Variants in STPG2 observed in about 807,000 individuals in gnomAD.
STPG2 encodes sperm tail PG-rich repeat containing 2.
Under a neutral mutation model 54.2 loss-of-function variants are expected in STPG2, and 56 were observed. The observed-to-expected ratio is 1.03, with a 90% CI of 0.83 to 1.29. The LOEUF (loss-of-function observed/expected upper bound fraction) is 1.29, where lower values mean the gene tolerates loss of function less well. Among genes scored for constraint, STPG2 ranks in the 50% most tolerant of loss-of-function variants. STPG2 has a pLI of 0.00. For missense variants in STPG2, 596 were observed against 544.9 expected (o/e 1.09, Z -0.93); for synonymous variants, 200 against 181.8 (o/e 1.10, Z -0.81).
chr4:97,775,893 C>G (rs1159335297), intron 9 of STPG2, among the ~76,000 whole-genome samples: 3 of 152,104 alleles, frequency 2.0e-5, no homozygotes, highest in African/African-American at 7.2e-5. Context: ...TCCTGGGTAC[C>G]TGGGATTACA....
chr4:97,869,357 G>A (rs781582510), intron 8 of STPG2, among the ~76,000 whole-genome samples: 3 of 151,514 alleles, frequency 2.0e-5, no homozygotes, highest in Non-Finnish European at 4.4e-5. Context: ...CTAGGTCAGA[G>A]CCTAGGTAAG....
At chr4:97,469,041 T>C (rs966270720) in intron 4 of STPG2, among the ~76,000 whole-genome samples, 2 of 152,058 alleles carry the variant, frequency 1.3e-5, no homozygotes, top group Admixed American at 6.6e-5. Flanking sequence ...TCTATACAAT[T>C]GAATTAGCTG....
At chr4:98,015,231 T>C (rs1345437827) in intron 5 of STPG2, among the ~76,000 whole-genome samples, 1 of 152,068 alleles carries the variant, frequency 6.6e-6, no homozygotes, top group Non-Finnish European at 1.5e-5. Context: ...CTAAAGAGCT[T>C]CTGCACAGAA....
At chr4:97,948,186 T>C in intron 7 of STPG2, among the ~76,000 whole-genome samples, 1 of 152,112 alleles carries the variant, frequency 6.6e-6, no homozygotes, top group South Asian at 2.1e-4. Context: ...TCCTAGGTTG[T>C]GTGCATAGTT....
At chr4:97,682,829 T>C (rs1302390126) in intron 10 of STPG2, among the ~76,000 whole-genome samples, 2 of 151,802 alleles carry the variant, frequency 1.3e-5, no homozygotes, top group African/African-American at 4.8e-5. Context: ...GTGCTAACCA[T>C]TACTCTATCA....
At chr4:97,747,026 AT>A (rs1250054016) in intron 9 of STPG2, among the ~76,000 whole-genome samples, 4 of 148,952 alleles carry the variant, frequency 2.7e-5, no homozygotes, top group African/African-American at 9.8e-5. Flanking sequence ...AAAAAAAAAA[AT>A]CTTTTACAGT....
chr4:98,019,215 C>T, intron 5 of STPG2, among the ~76,000 whole-genome samples: 1 of 152,144 alleles, frequency 6.6e-6, no homozygotes. Flanking sequence ...AGGAAGGGAT[C>T]CAGTTTCAGC....
At chr4:97,770,536 T>A (rs897679025) in intron 9 of STPG2, among the ~76,000 whole-genome samples, 1 of 152,172 alleles carries the variant, frequency 6.6e-6, no homozygotes, top group Non-Finnish European at 1.5e-5. Context: ...TAAACAAGAT[T>A]GCATGCTATT....
chr4:97,998,033 G>A (rs939322048), intron 5 of STPG2, among the ~76,000 whole-genome samples: 5 of 152,196 alleles, frequency 3.3e-5, no homozygotes, highest in Admixed American at 1.3e-4. Flanking sequence ...CAAAAATGCG[G>A]TCAAGAGACA....
At chr4:97,875,578 T>C (rs1315596645) in intron 8 of STPG2, among the ~76,000 whole-genome samples, 1 of 152,006 alleles carries the variant, frequency 6.6e-6, no homozygotes, top group Non-Finnish European at 1.5e-5. Flanking sequence ...TTGGATGAAA[T>C]TCTTCCAGAG....
rs111692217 is a variant in STPG2 at position 97,948,988 on chromosome 4, G to A, written c.934-4981C>T. ...TGTTGAATTTCTGTCTCAGTCATCT[G>A]TATACTGCTGTCAATGGGGTGTTGA... On this transcript the variant is annotated intron_variant, in intron 7 of 10. Transcript: ENST00000295268. Among the ~76,000 whole-genome samples the A allele has an allele frequency of 4.3e-3, 655 of 152,190 alleles. 3 individuals are homozygous for A. The highest frequency in any genetic ancestry group is 0.02 in the Middle Eastern group (6 of 294).
rs932075869 is a variant in STPG2, at chr4:97,972,627, G to A, written c.773-187C>T. 2.6e-5 allele frequency among the ~76,000 whole-genome samples: 4 copies of A among 152,030 alleles called. No individual in the cohort carries two copies. In the East Asian group the frequency reaches 7.7e-4, roughly 29 times the overall value. ...ATTTTTATACAGTTAACATATACTT[G>A]CTGATATGGTTTTGCTGTGTCCCCA... is the stretch of plus-strand genomic sequence containing the variant. On this transcript the variant is annotated intron_variant, in intron 6 of 10. Coordinates refer to ENST00000295268, the MANE Select transcript of STPG2 (RefSeq NM_174952.3).
At chr4:97,515,816 GTATATA>G (rs947231417) in intron 4 of STPG2, among the ~76,000 whole-genome samples, 2 of 151,822 alleles carry the variant, frequency 1.3e-5, no homozygotes, top group Non-Finnish European at 2.9e-5. Flanking sequence ...ATGTGTGTGT[GTATATA>G]TATAGAGAGA....
At position 98,082,832 on chromosome 4, in the gene STPG2, C is replaced by T. The variant is rs567197532; in HGVS notation, c.612+23121G>A. On this transcript the variant is annotated intron_variant, in intron 5 of 10. Coordinates refer to ENST00000295268, the MANE Select transcript of STPG2 (RefSeq NM_174952.3). ...CTCTTGATAAACTCTTCATTGACTC[C>T]CTTTTGCCAATACAGTAAAGCACAA... Among the ~76,000 whole-genome samples, 3 of 152,130 alleles carry T rather than the reference C, an allele frequency of 2.0e-5. No homozygotes were observed. The South Asian group carries it at 6.2e-4, about 32-fold the overall frequency.
chr4:97,729,476 T>TA (rs1724730446), intron 9 of STPG2, among the ~76,000 whole-genome samples: 1 of 152,168 alleles, frequency 6.6e-6, no homozygotes, highest in Non-Finnish European at 1.5e-5. Flanking sequence ...TGGAATCAGA[T>TA]TAATTTTGTC....
At chr4:98,077,603 T>G (rs1181921064) in intron 5 of STPG2, among the ~76,000 whole-genome samples, 1 of 152,080 alleles carries the variant, frequency 6.6e-6, no homozygotes, top group Non-Finnish European at 1.5e-5. Flanking sequence ...CCCCACAACC[T>G]AAAAGATAAA....
chr4:97,535,441 G>A (rs896905201), intron 4 of STPG2, among the ~76,000 whole-genome samples: 1 of 152,112 alleles, frequency 6.6e-6, no homozygotes, highest in Non-Finnish European at 1.5e-5. Flanking sequence ...TGAGTCTGCT[G>A]GCAGTGAATT....
chr4:98,002,498 C>T (rs1735442072), intron 5 of STPG2, among the ~76,000 whole-genome samples: 1 of 151,856 alleles, frequency 6.6e-6, no homozygotes, highest in African/African-American at 2.4e-5. Flanking sequence ...GCTCAGCTGG[C>T]CAGATGTATA....
intron 4 of STPG2, among the ~76,000 whole-genome samples, chr4:97,538,222 G>C (rs1290098760): frequency 1.3e-5 from 2 of 152,204 alleles, no homozygotes; most frequent in East Asian, 1.9e-4. Context: ...GAGAGAAGAA[G>C]GCTTCAGACA....
Sources: allele counts gnomAD v4.1 joint callset (sites outside exome capture counted in the v4.1 genomes callset), GRCh38; gene constraint gnomAD v4.1.1; transcripts MANE v1.5; gene names NCBI Gene and HGNC (gene_info 2026-07-23, HGNC 2026-07-21).